The following SAR1A variants were observed in gnomAD, a reference collection of about 807,000 sequenced individuals.
The protein encoded by SAR1A is small COPII coat GTPase SAR1A.
A neutral mutation model predicts 22.6 loss-of-function variants in SAR1A; 6 were observed. The ratio of observed to expected loss-of-function variants is 0.27; its 90% CI spans 0.15 to 0.52. The LOEUF is 0.52. SAR1A is among the 20% of genes least tolerant of loss of function. The probability of loss-of-function intolerance (pLI) is 0.96; values close to 1 mark genes in which losing one functional copy is unlikely to be tolerated. For synonymous variants in SAR1A, 70 were observed against 82.2 expected, an observed-to-expected ratio of 0.85 and a Z score of 0.80; for missense variants, 145 against 245.1, an observed-to-expected ratio of 0.59 and a Z score of 2.73.
chr10:70,153,674 A>G (rs1256224078), intron 6 of SAR1A, among the ~76,000 whole-genome samples, 164 bp downstream of exon 6: 1 of 152,256 alleles, frequency 6.6e-6, no homozygotes, highest in Non-Finnish European at 1.5e-5. Flanking sequence ...AAAACGTTAA[A>G]AAGAACACAC....
chr10:70,157,696 T>TAA (rs752286450), intron 5 of SAR1A, 68 bp downstream of exon 5: 11 of 1,122,614 alleles, frequency 9.8e-6, no homozygotes, highest in South Asian at 1.4e-5. Flanking sequence ...CTATATTCCT[T>TAA]AAAAAAAAAT....
At chr10:70,167,752 TAAAGTTTGGC>T (rs1839572206) in intron 1 of SAR1A, among the ~76,000 whole-genome samples, 2 of 152,134 alleles carry the variant, frequency 1.3e-5, no homozygotes, top group Admixed American at 1.3e-4. Context: ...GACAGCCAAA[TAAAGTTTGGC>T]AGTTTGGGTG....
intron 4 of SAR1A, among the ~76,000 whole-genome samples, 154 bp downstream of exon 4, chr10:70,160,849 AT>A (rs1205037798): frequency 1.3e-5 from 2 of 152,250 alleles, no homozygotes; most frequent in African/African-American, 2.4e-5. Flanking sequence ...ACTTAAAAAA[AT>A]AAATGAATAA....
chr10:70,161,891 A>G lies in SAR1A; in HGVS notation c.25T>C (p.Tyr9His). MSFIFEWI[Y>H]NGFSSVLQFL... ...TGGAGCACACTGCTGAAGCCATTGT[A>G]GATCCACTCAAAGATGAAAGACATT... is the stretch of plus-strand genomic sequence containing the variant. The change falls in exon 2 of 7, where the codon TAC becomes CAC. Residue 9 changes from tyrosine (Y) to histidine (H), a missense_variant. By Grantham distance (83) the Tyr-to-His change is moderately conservative. Transcript: ENST00000373241. 1 of 1,612,856 alleles carries G rather than the reference A, an allele frequency of 6.2e-7. No homozygotes were observed. Among genetic ancestry groups the G allele is most frequent in the Non-Finnish European group, 8.5e-7 (1 of 1,179,728 alleles).
At chr10:70,164,661 A>G (rs1311724944) in intron 1 of SAR1A, among the ~76,000 whole-genome samples, 5 of 152,172 alleles carry the variant, frequency 3.3e-5, no homozygotes, top group Admixed American at 3.3e-4. Context: ...TAGCCACTTA[A>G]AGAAAATGTG....
rs1839314542 is a variant in SAR1A at position 70,150,616 on chromosome 10, C to T, written c.*1860G>A. On this transcript the variant is annotated 3_prime_UTR_variant, in exon 7 of 7. Coordinates refer to ENST00000373241, the MANE Select transcript of SAR1A (RefSeq NM_020150.5). Reference sequence around the variant, plus strand: ...TAATCATACTTCTCATGTCTCCGAACAGAGAAGTATGGGGGACCTTTAACC... The same window carrying T: ...TAATCATACTTCTCATGTCTCCGAATAGAGAAGTATGGGGGACCTTTAACC... The T allele has an allele frequency of 1.3e-5, 2 of 152,150 alleles. No homozygotes were observed. The highest frequency in any genetic ancestry group is 6.5e-5 in the Admixed American group (1 of 15,284). 9.4% of individuals were successfully genotyped at this position (152,150 alleles called of 1,614,324 possible). A position where few individuals can be genotyped will look rare whatever the true frequency, so the allele number is the denominator to read the frequency against.
chr10:70,152,216 G>A lies in SAR1A; in HGVS notation c.*260C>T. The A allele has an allele frequency of 1.5e-6, 1 of 656,328 alleles. No homozygotes were observed. The highest frequency in any genetic ancestry group is 2.5e-6 in the Non-Finnish European group (1 of 401,018). The allele number at this position is 656,328 out of a possible 1,614,324, so 40.7% of individuals were successfully genotyped here. ...TTCAGGTGCCCCATGATGGCATACAGCTTTACCCGGCAAATCCTGCCAGCT... is the reference window on the plus strand; with the variant it reads ...TTCAGGTGCCCCATGATGGCATACAACTTTACCCGGCAAATCCTGCCAGCT... On this transcript the variant is annotated 3_prime_UTR_variant, in exon 7 of 7. Transcript: ENST00000373241.
rs1310861087 is a variant in SAR1A, at chr10:70,147,673, CAT to C, written c.*4801_*4802del. On this transcript the variant is annotated 3_prime_UTR_variant, in exon 7 of 7. Coordinates refer to ENST00000373241, the MANE Select transcript of SAR1A (RefSeq NM_020150.5). ...AGCAGGCCCGATTTGACCCACAAGG[CAT>C]AGTTTACCATCTCTAGTGTACACTA... The C allele has an allele frequency of 6.6e-6, 1 of 152,202 alleles. No individual in the cohort carries two copies. The highest frequency in any genetic ancestry group is 6.5e-5 in the Admixed American group (1 of 15,286). 9.4% of individuals were successfully genotyped at this position (152,202 alleles called of 1,614,324 possible). A position where few individuals can be genotyped will look rare whatever the true frequency, so the allele number is the denominator to read the frequency against.
At chr10:70,168,264 T>G (rs1839578258) in intron 1 of SAR1A, among the ~76,000 whole-genome samples, 1 of 152,210 alleles carries the variant, frequency 6.6e-6, no homozygotes, top group African/African-American at 2.4e-5. Flanking sequence ...CATGAAAAAC[T>G]ATTTAAAGTG....
chr10:70,162,396 A>AGGG (rs1471002652), intron 1 of SAR1A, among the ~76,000 whole-genome samples: 1 of 142,488 alleles, frequency 7.0e-6, no homozygotes, highest in African/African-American at 2.6e-5. Flanking sequence ...GGAAAGGGAA[A>AGGG]AGGAAAGGGA....
chr10:70,151,375 C>G lies in SAR1A; in HGVS notation c.*1101G>C, dbSNP rs989699746. On this transcript the variant is annotated 3_prime_UTR_variant, in exon 7 of 7. Coordinates refer to ENST00000373241, the MANE Select transcript of SAR1A (RefSeq NM_020150.5). Reference sequence around the variant, plus strand: ...AAATGTAAAAAAAAGAGCTCCCAAACAGCCTGAGAGACCAAATTCTGCAAA... The same window carrying G: ...AAATGTAAAAAAAAGAGCTCCCAAAGAGCCTGAGAGACCAAATTCTGCAAA... 6.8e-6 allele frequency: 1 copy of G among 146,740 alleles called. No individual in the cohort carries two copies. The highest frequency in any genetic ancestry group is 1.5e-5 in the Non-Finnish European group (1 of 66,930). The allele number at this position is 146,740 out of a possible 1,614,324, so 9.1% of individuals were successfully genotyped here. A position where few individuals can be genotyped will look rare whatever the true frequency, so the allele number is the denominator to read the frequency against.
At chr10:70,155,222 T>G (rs565972679) in intron 5 of SAR1A, 6 of 446,078 alleles carry the variant, frequency 1.3e-5, no homozygotes, top group Non-Finnish European at 2.8e-5. Flanking sequence ...ATGTAAGAGA[T>G]CATGATCTAG....
At chr10:70,162,701 A>G (rs1839491543) in intron 1 of SAR1A, 1 of 152,096 alleles carries the variant, frequency 6.6e-6, no homozygotes, top group South Asian at 2.1e-4. Flanking sequence ...TCATTTGATG[A>G]TACTTTGTGG....
chr10:70,168,412 T>C (rs1046835529), intron 1 of SAR1A, among the ~76,000 whole-genome samples: 1 of 152,082 alleles, frequency 6.6e-6, no homozygotes, highest in Non-Finnish European at 1.5e-5. Flanking sequence ...CTGGCCAACA[T>C]GGTGAAACCC....
intron 4 of SAR1A, among the ~76,000 whole-genome samples, chr10:70,158,084 T>C (rs1839417936): frequency 2.0e-5 from 3 of 152,184 alleles, no homozygotes; most frequent in African/African-American, 4.8e-5. Context: ...AATCAGAGTT[T>C]CCGCTTTTTT....
intron 6 of SAR1A, among the ~76,000 whole-genome samples, chr10:70,153,474 AATG>A (rs1171802787): frequency 6.6e-6 from 1 of 152,232 alleles, no homozygotes; most frequent in Non-Finnish European, 1.5e-5. Flanking sequence ...AAGTGATTGA[AATG>A]ATTATTTTTC....
At chr10:70,161,792 T>G in intron 2 of SAR1A, 54 bp from the exon 3 acceptor site, 1 of 1,613,514 alleles carries the variant, frequency 6.2e-7, no homozygotes, top group South Asian at 1.1e-5. Flanking sequence ...CAAAGCCTAT[T>G]TGTAGTTAAA....
chr10:70,162,319 C>T (rs748891134), intron 1 of SAR1A, among the ~76,000 whole-genome samples: 23 of 136,012 alleles, frequency 1.7e-4, no homozygotes, highest in Non-Finnish European at 2.4e-4. Flanking sequence ...ACTTGGGCAA[C>T]AGAGGGAGAC....
rs368418719 is a variant in SAR1A at position 70,161,615 on chromosome 10, C to T, written c.178+4G>A. 1 of 1,611,982 alleles carries T rather than the reference C, an allele frequency of 6.2e-7. No homozygotes were observed. Among genetic ancestry groups the T allele is most frequent in the Non-Finnish European group, 8.5e-7 (1 of 1,179,954 alleles). ...AAAAGGTCACCTGATATTTTCAAAC[C>T]TACTCGGATGTAGTGTTGGAACATG... On this transcript the variant is annotated splice_donor_region_variant and intron_variant, in intron 3 of 6. Transcript: ENST00000373241.
Sources: gnomAD v4.1 joint callset for allele counts (sites outside exome capture counted in the v4.1 genomes callset) on GRCh38, gnomAD v4.1.1 for gene constraint, MANE v1.5 for transcripts, NCBI Gene and HGNC (gene_info 2026-07-23, HGNC 2026-07-21) for gene names.